The following SLC9A9 variants were observed in gnomAD, a reference collection of about 807,000 sequenced individuals.
SLC9A9 encodes sodium/hydrogen exchanger 9.
In SLC9A9, 62 loss-of-function variants were observed where a neutral mutation model predicts 77.8. The observed-to-expected ratio is 0.80, with a 90% CI of 0.65 to 0.98. The LOEUF is 0.98. Among genes scored for constraint, SLC9A9 ranks in the 50% least tolerant of loss-of-function variants. The pLI is 0.00. For synonymous variants in SLC9A9, 320 were observed against 283.5 expected, an observed-to-expected ratio of 1.13 and a Z score of -1.29; for missense variants, 775 against 774.9, an observed-to-expected ratio of 1.00 and a Z score of 0.00.
intron 4 of SLC9A9, among the ~76,000 whole-genome samples, chr3:143,741,833 A>G (rs1935081453): frequency 6.6e-6 from 1 of 152,164 alleles, no homozygotes; most frequent in Non-Finnish European, 1.5e-5. Context: ...AACTGACTCC[A>G]TCTTTCTTCT....
At chr3:143,382,349 G>A (rs1026913256) in intron 12 of SLC9A9, among the ~76,000 whole-genome samples, 6 of 152,164 alleles carry the variant, frequency 3.9e-5, no homozygotes. Flanking sequence ...CTTCACTACT[G>A]TCGTTCCTGG....
chr3:143,802,151 T>G (rs1015608098), intron 2 of SLC9A9, among the ~76,000 whole-genome samples: 6 of 152,172 alleles, frequency 3.9e-5, no homozygotes, highest in Non-Finnish European at 7.3e-5. Context: ...CTCCCACCTG[T>G]CAATCTCTTT....
intron 4 of SLC9A9, among the ~76,000 whole-genome samples, chr3:143,694,393 G>T (rs1006174962): frequency 3.9e-5 from 6 of 152,066 alleles, no homozygotes; most frequent in African/African-American, 1.4e-4. Flanking sequence ...ATGAGGTAGG[G>T]ATAACAGTAA....
intron 4 of SLC9A9, among the ~76,000 whole-genome samples, chr3:143,775,704 C>A (rs6440193): frequency 0.4 from 60,461 of 152,024 alleles, 12,486 homozygotes; most frequent in African/African-American, 0.48. Context: ...TCCTGTTTAA[C>A]ATCCATTTTA....
At chr3:143,512,640 T>A (rs2036135299) in intron 9 of SLC9A9, among the ~76,000 whole-genome samples, 1 of 152,192 alleles carries the variant, frequency 6.6e-6, no homozygotes, top group Admixed American at 6.5e-5. Context: ...CACTTTGGGA[T>A]GCCAAGGCGG....
intron 2 of SLC9A9, among the ~76,000 whole-genome samples, chr3:143,807,020 A>G (rs2008736083): frequency 2.0e-5 from 3 of 152,208 alleles, no homozygotes; most frequent in South Asian, 4.1e-4. Flanking sequence ...ACCCTTCCTC[A>G]TACTGGCTCT....
chr3:143,544,312 C>A (rs566578996), intron 9 of SLC9A9, among the ~76,000 whole-genome samples: 3 of 151,992 alleles, frequency 2.0e-5, no homozygotes, highest in Non-Finnish European at 4.4e-5. Flanking sequence ...CTGCAAGCTC[C>A]GCCTCCTGGG....
rs73007413 is a variant in SLC9A9 at position 143,650,304 on chromosome 3, G to A, written c.755+1951C>T. Among the ~76,000 whole-genome samples, 1,328 of 152,364 alleles carry A rather than the reference G, an allele frequency of 8.7e-3. 29 individuals are homozygous for A. The highest frequency in any genetic ancestry group is 0.031 in the African/African-American group (1,276 of 41,588). ...TTCCTAAGGGAACCAGGAAATGGTT[G>A]GCAGAGAGTGTGTGGAGATAAGGCA... On this transcript the variant is annotated intron_variant, in intron 6 of 15. Coordinates refer to ENST00000316549, the MANE Select transcript of SLC9A9 (RefSeq NM_173653.4).
intron 14 of SLC9A9, among the ~76,000 whole-genome samples, chr3:143,341,208 A>G (rs559279173): frequency 6.6e-6 from 1 of 152,162 alleles, no homozygotes; most frequent in South Asian, 2.1e-4. Context: ...TTCACTGTTC[A>G]TGTGCTGTTT....
intron 12 of SLC9A9, among the ~76,000 whole-genome samples, chr3:143,384,845 A>G (rs972331938): frequency 4.6e-5 from 7 of 152,352 alleles, no homozygotes; most frequent in African/African-American, 1.7e-4. Context: ...CACACAGGGC[A>G]TACGATTCGG....
intron 7 of SLC9A9, among the ~76,000 whole-genome samples, 167 bp downstream of exon 7, chr3:143,578,418 G>T (rs2037398568): frequency 6.6e-6 from 1 of 152,170 alleles, no homozygotes; most frequent in African/African-American, 2.4e-5. Flanking sequence ...ACCAACCTAT[G>T]CCTCCAGGGG....
intron 12 of SLC9A9, among the ~76,000 whole-genome samples, chr3:143,399,590 T>A (rs562785548): frequency 6.6e-6 from 1 of 152,162 alleles, no homozygotes; most frequent in African/African-American, 2.4e-5. Context: ...GTAAAACAGG[T>A]TCTGAAATTA....
intron 12 of SLC9A9, among the ~76,000 whole-genome samples, chr3:143,393,546 G>A (rs1044678203): frequency 2.0e-5 from 3 of 151,950 alleles, no homozygotes; most frequent in Non-Finnish European, 4.4e-5. Context: ...AAGAACTAGA[G>A]AAGCAAGAGC....
At chr3:143,799,498 A>T (rs1345087245) in intron 2 of SLC9A9, among the ~76,000 whole-genome samples, 1 of 152,160 alleles carries the variant, frequency 6.6e-6, no homozygotes, top group East Asian at 1.9e-4. Flanking sequence ...AAGAACTCCA[A>T]ATTCCTGAAC....
intron 12 of SLC9A9, among the ~76,000 whole-genome samples, chr3:143,413,921 T>C (rs2034144451): frequency 6.6e-6 from 1 of 152,246 alleles, no homozygotes; most frequent in Non-Finnish European, 1.5e-5. Context: ...GAGGGGCCTG[T>C]GCCCCCTTTA....
intron 14 of SLC9A9, among the ~76,000 whole-genome samples, chr3:143,355,983 T>C (rs987325430): frequency 2.6e-5 from 4 of 152,296 alleles, no homozygotes; most frequent in Non-Finnish European, 4.4e-5. Context: ...ATAGAAATAT[T>C]ATTAAAACTT....
At chr3:143,544,869 T>A (rs1559961322) in intron 9 of SLC9A9, among the ~76,000 whole-genome samples, 1 of 152,190 alleles carries the variant, frequency 6.6e-6, no homozygotes, top group Non-Finnish European at 1.5e-5. Context: ...GGGGTCCAGT[T>A]TCATTCTTCC....
intron 14 of SLC9A9, among the ~76,000 whole-genome samples, chr3:143,360,551 T>C (rs1334801213): frequency 6.6e-6 from 1 of 152,326 alleles, no homozygotes; most frequent in South Asian, 2.1e-4. Flanking sequence ...GTAATAAATG[T>C]AAAGCACTGA....
At chr3:143,605,724 A>C (rs1287652251) in intron 6 of SLC9A9, among the ~76,000 whole-genome samples, 1 of 152,206 alleles carries the variant, frequency 6.6e-6, no homozygotes, top group Non-Finnish European at 1.5e-5. Context: ...ACCACTTTTA[A>C]GGCCTCAAAT....
Sources: gnomAD v4.1 joint callset for allele counts (sites outside exome capture counted in the v4.1 genomes callset) on GRCh38, gnomAD v4.1.1 for gene constraint, MANE v1.5 for transcripts, NCBI Gene and HGNC (gene_info 2026-07-23, HGNC 2026-07-21) for gene names.